The following CACNA2D3 variants were observed in gnomAD, a reference collection of about 807,000 sequenced individuals.
CACNA2D3 encodes voltage-dependent calcium channel subunit alpha-2/delta-3.
In CACNA2D3, 60 loss-of-function variants were observed where a neutral mutation model predicts 160.6. That is an observed-to-expected ratio of 0.37 (90% CI 0.30 to 0.46). The LOEUF is 0.46. CACNA2D3 is among the 20% of genes least tolerant of loss of function. CACNA2D3 has a pLI of 1.00. For synonymous variants in CACNA2D3, 558 were observed against 492.9 expected, an observed-to-expected ratio of 1.13 and a Z score of -1.75; for missense variants, 1,205 against 1,365.0, an observed-to-expected ratio of 0.88 and a Z score of 1.85.
intron 2 of CACNA2D3, among the ~76,000 whole-genome samples, chr3:54,289,663 C>A (rs909752932): frequency 6.6e-6 from 1 of 152,224 alleles, no homozygotes; most frequent in Non-Finnish European, 1.5e-5. Context: ...AACTATACAA[C>A]AAGGCTACAG....
At chr3:54,847,558 C>A (rs960554223) in intron 17 of CACNA2D3, among the ~76,000 whole-genome samples, 4 of 152,216 alleles carry the variant, frequency 2.6e-5, no homozygotes, top group African/African-American at 9.6e-5. Flanking sequence ...CATCATGCAA[C>A]TTTGCTCTAA....
intron 27 of CACNA2D3, among the ~76,000 whole-genome samples, chr3:54,929,839 A>C (rs932917447): frequency 6.6e-6 from 1 of 152,164 alleles, no homozygotes; most frequent in African/African-American, 2.4e-5. Flanking sequence ...ATACATAACC[A>C]TCAATGGCCC....
intron 9 of CACNA2D3, among the ~76,000 whole-genome samples, chr3:54,602,249 G>C (rs1228897604): frequency 1.3e-5 from 2 of 152,146 alleles, no homozygotes; most frequent in East Asian, 3.9e-4. Flanking sequence ...TGTAATCCTA[G>C]CATTTTGGGA....
At chr3:54,629,103 A>G (rs867219970) in intron 10 of CACNA2D3, among the ~76,000 whole-genome samples, 1 of 152,096 alleles carries the variant, frequency 6.6e-6, no homozygotes, top group East Asian at 1.9e-4. Context: ...GGAAGAAGGC[A>G]TGGGATAGTC....
At chr3:54,283,386 T>C (rs1207116665) in intron 2 of CACNA2D3, among the ~76,000 whole-genome samples, 1 of 152,218 alleles carries the variant, frequency 6.6e-6, no homozygotes, top group East Asian at 1.9e-4. Context: ...CTGTGAAATG[T>C]TTTTGGTCGC....
chr3:54,828,608 A>T (rs1357761252), intron 14 of CACNA2D3, among the ~76,000 whole-genome samples: 1 of 152,232 alleles, frequency 6.6e-6, no homozygotes, highest in Non-Finnish European at 1.5e-5. Flanking sequence ...CTGTTTTTAG[A>T]TTCTCATATA....
Position 54,764,323 on chromosome 3 carries a change from T to A in CACNA2D3, c.1352T>A (p.Val451Glu). Residue 451 changes from valine (V) to glutamate (E), a missense_variant, in exon 13 of 38, where the codon GTG (valine) becomes GAG (glutamate). Val to Glu is a moderately radical substitution (Grantham distance 121, BLOSUM62 -2). Coordinates refer to ENST00000474759, the MANE Select transcript of CACNA2D3 (RefSeq NM_018398.3). ...GTCATCGACCAGGAGCATGATGTGG[T>A]GTGGACCGAAGCTTACATTGACAGC... ...PKVIDQEHDVVWTEAYIDSTL... is the reference protein window; with the variant it reads ...PKVIDQEHDVEWTEAYIDSTL... 1 of 1,613,874 alleles carries A rather than the reference T, an allele frequency of 6.2e-7. No homozygotes were observed. Among genetic ancestry groups the A allele is most frequent in the Non-Finnish European group, 8.5e-7 (1 of 1,179,812 alleles).
chr3:54,573,531 A>C (rs1559516261), intron 8 of CACNA2D3, among the ~76,000 whole-genome samples: 1 of 152,254 alleles, frequency 6.6e-6, no homozygotes, highest in Non-Finnish European at 1.5e-5. Flanking sequence ...AATGTATTTG[A>C]ATAACAGAGC....
At chr3:54,817,393 C>G (rs576541716) in intron 14 of CACNA2D3, among the ~76,000 whole-genome samples, 89 of 152,290 alleles carry the variant, frequency 5.8e-4, no homozygotes, top group African/African-American at 2.0e-3. Context: ...GACCCTTTCA[C>G]TGGTCCTCAT....
intron 11 of CACNA2D3, among the ~76,000 whole-genome samples, chr3:54,668,298 C>G (rs1399063004): frequency 6.6e-6 from 1 of 152,148 alleles, no homozygotes; most frequent in African/African-American, 2.4e-5. Context: ...GGGAAAAGAC[C>G]TGAGCCTTCA....
intron 2 of CACNA2D3, among the ~76,000 whole-genome samples, chr3:54,242,163 G>A (rs1031132647): frequency 2.0e-5 from 3 of 152,212 alleles, no homozygotes; most frequent in Non-Finnish European, 2.9e-5. Flanking sequence ...GCTCACACGT[G>A]TAATCCTAGC....
intron 2 of CACNA2D3, among the ~76,000 whole-genome samples, chr3:54,299,952 A>AC (rs1273843376): frequency 4.0e-5 from 6 of 151,888 alleles, no homozygotes; most frequent in African/African-American, 1.5e-4. Flanking sequence ...GATGGTGTAG[A>AC]CCCCCTAACA....
At chr3:54,954,825 G>A (rs374479015) in intron 27 of CACNA2D3, among the ~76,000 whole-genome samples, 7 of 152,322 alleles carry the variant, frequency 4.6e-5, no homozygotes, top group African/African-American at 1.7e-4. Flanking sequence ...GAGCCAGGGG[G>A]TGCCAGGAAT....
chr3:54,271,762 G>GT (rs1702626055), intron 2 of CACNA2D3, among the ~76,000 whole-genome samples: 1 of 152,206 alleles, frequency 6.6e-6, no homozygotes, highest in Non-Finnish European at 1.5e-5. Context: ...AGGCATGGTG[G>GT]TGGAGGGCCT....
chr3:54,923,636 T>A (rs1055615524), intron 27 of CACNA2D3, among the ~76,000 whole-genome samples: 1 of 152,204 alleles, frequency 6.6e-6, no homozygotes, highest in African/African-American at 2.4e-5. Context: ...TCTCAGTGCC[T>A]GGCATACAAA....
At chr3:54,326,623 G>A (rs2107513576) in intron 3 of CACNA2D3, among the ~76,000 whole-genome samples, 1 of 152,304 alleles carries the variant, frequency 6.6e-6, no homozygotes, top group African/African-American at 2.4e-5. Flanking sequence ...GTAAGTTAAG[G>A]AAAGGTTCTT....
chr3:54,556,470 C>T (rs927308789), intron 5 of CACNA2D3, among the ~76,000 whole-genome samples: 1 of 152,182 alleles, frequency 6.6e-6, no homozygotes, highest in Non-Finnish European at 1.5e-5. Context: ...AAGGAAGCAA[C>T]CCTGCTGGCA....
intron 2 of CACNA2D3, among the ~76,000 whole-genome samples, chr3:54,127,200 C>T (rs1045812888): frequency 1.1e-4 from 17 of 152,158 alleles, no homozygotes; most frequent in African/African-American, 4.1e-4. Flanking sequence ...AAATACACAA[C>T]GGAAATACAG....
chr3:55,051,281 T>C (rs1483125422), intron 35 of CACNA2D3, among the ~76,000 whole-genome samples: 3 of 152,164 alleles, frequency 2.0e-5, no homozygotes, highest in African/African-American at 7.2e-5. Flanking sequence ...GATGGGTTTT[T>C]GGTGTGGATG....
Sources: allele counts gnomAD v4.1 joint callset (sites outside exome capture counted in the v4.1 genomes callset), GRCh38; gene constraint gnomAD v4.1.1; transcripts MANE v1.5; gene names NCBI Gene and HGNC (gene_info 2026-07-23, HGNC 2026-07-21).